TUB: variants seen among roughly 807,000 people sequenced by gnomAD.
The protein encoded by TUB is tubby protein homolog.
A neutral mutation model predicts 59.7 loss-of-function variants in TUB; 33 were observed. The observed-to-expected ratio is 0.55, with a 90% CI of 0.42 to 0.74. The LOEUF (loss-of-function observed/expected upper bound fraction) is 0.74. Among genes scored for constraint, TUB ranks in the 30% least tolerant of loss-of-function variants. The pLI is 0.00. For synonymous variants in TUB, 293 were observed against 256.4 expected, an observed-to-expected ratio of 1.14 and a Z score of -1.36; for missense variants, 659 against 672.0, an observed-to-expected ratio of 0.98 and a Z score of 0.21.
intron 1 of TUB, among the ~76,000 whole-genome samples, chr11:8,021,784 C>G (rs1210592081): frequency 1.3e-5 from 2 of 151,240 alleles, no homozygotes; most frequent in Admixed American, 6.6e-5. Context: ...GGCGTGGTGT[C>G]GGGCGCCTGT....
chr11:8,097,294 G>C lies in TUB; in HGVS notation c.754G>C (p.Glu252Gln). ...QPVDVEVQDL[E>Q]EFALRPAPQG... The stretch of plus-strand genomic sequence containing the variant: ...AGTGGACGTTGAGGTCCAGGATCTT[G>C]AGGAGTTTGCACTGAGGCCGGCCCC... The change falls in exon 7 of 12, where the codon GAG becomes CAG. Residue 252 changes from glutamate (E) to glutamine (Q), a missense_variant. Glu to Gln is a conservative substitution (Grantham distance 29, BLOSUM62 2). Around this residue, in one of 3 missense-constraint regions of TUB, gnomAD observed 112 missense variants for 156.9 expected, o/e 0.71. Coordinates refer to ENST00000299506, the MANE Select transcript of TUB (RefSeq NM_177972.3). 6.2e-7 allele frequency: 1 copy of C among 1,614,196 alleles called. No homozygotes were observed. The highest frequency in any genetic ancestry group is 8.5e-7 in the Non-Finnish European group (1 of 1,180,046).
At chr11:8,101,036 T>C (rs1442713816) in intron 11 of TUB, 39 bp downstream of exon 11, 2 of 1,611,852 alleles carry the variant, frequency 1.2e-6, no homozygotes, top group Non-Finnish European at 1.7e-6. Flanking sequence ...GTCCGTAGGA[T>C]ACCCAAGGCC....
chr11:8,085,412 T>C (rs1275121052), intron 1 of TUB, among the ~76,000 whole-genome samples: 1 of 152,224 alleles, frequency 6.6e-6, no homozygotes, highest in East Asian at 1.9e-4. Context: ...CCTGGGAGGC[T>C]GGAACTCCTG....
At chr11:8,039,624 A>G in intron 1 of TUB, 1 of 1,476,488 alleles carries the variant, frequency 6.8e-7, no homozygotes, top group East Asian at 2.6e-5. Flanking sequence ...GTGGAGAGTC[A>G]CCCCTTCTTT....
intron 1 of TUB, among the ~76,000 whole-genome samples, chr11:8,027,721 G>A (rs183168344): frequency 1.0e-3 from 157 of 152,170 alleles, no homozygotes; most frequent in African/African-American, 3.2e-3. Context: ...CTCCATGTTG[G>A]CCAGGCTGGT....
At chr11:8,031,000 T>A (rs1942563254) in intron 1 of TUB, among the ~76,000 whole-genome samples, 2 of 152,180 alleles carry the variant, frequency 1.3e-5, no homozygotes, top group Non-Finnish European at 1.5e-5. Context: ...GTCCTCTCCA[T>A]CACCAAGTGT....
intron 2 of TUB, among the ~76,000 whole-genome samples, chr11:8,055,393 C>T (rs1230568658): frequency 6.6e-6 from 1 of 152,208 alleles, no homozygotes; most frequent in Non-Finnish European, 1.5e-5. Flanking sequence ...TTCCCTGTGC[C>T]CATCAGGACC....
chr11:8,043,910 T>G (rs1942790839), intron 2 of TUB, among the ~76,000 whole-genome samples: 1 of 152,176 alleles, frequency 6.6e-6, no homozygotes, highest in South Asian at 2.1e-4. Context: ...TTTTCTTGCC[T>G]AATCATCTTG....
At chr11:8,082,736 A>G (rs1943593695) in intron 1 of TUB, among the ~76,000 whole-genome samples, 1 of 152,204 alleles carries the variant, frequency 6.6e-6, no homozygotes, top group Non-Finnish European at 1.5e-5. Flanking sequence ...AATGGAAACC[A>G]GCTGAAACCG....
At chr11:8,097,460 T>C (rs1448099700) in intron 7 of TUB, 35 bp downstream of exon 7, 7 of 1,613,338 alleles carry the variant, frequency 4.3e-6, no homozygotes, top group Non-Finnish European at 5.9e-6. Flanking sequence ...CATCTAGGCT[T>C]TACAGCCCTT....
chr11:8,097,520 A>G (rs1944052632), intron 7 of TUB, 95 bp downstream of exon 7: 2 of 1,520,920 alleles, frequency 1.3e-6, no homozygotes, highest in Non-Finnish European at 1.8e-6. Flanking sequence ...TCTACCACTG[A>G]CCTCTCAGTT....
chr11:8,085,060 G>A (rs768420704), intron 1 of TUB, among the ~76,000 whole-genome samples: 1 of 152,146 alleles, frequency 6.6e-6, no homozygotes, highest in Non-Finnish European at 1.5e-5. Context: ...GTTTTGTAGG[G>A]AGTAGTGGGA....
chr11:8,019,250 C>T (rs1942381154), exon 1 of TUB: 4 of 1,239,280 alleles, frequency 3.2e-6, no homozygotes, highest in Non-Finnish European at 4.0e-6. Flanking sequence ...GAGCCAGCCC[C>T]AAGCCCAGCG....
intron 2 of TUB, chr11:8,068,605 C>T (rs1484144690): frequency 6.6e-6 from 1 of 152,438 alleles, no homozygotes; most frequent in Admixed American, 6.5e-5. Flanking sequence ...GTGGCTTCCT[C>T]ACCCCGTCTA....
chr11:8,083,381 T>G (rs909201747), intron 1 of TUB, among the ~76,000 whole-genome samples: 4 of 152,056 alleles, frequency 2.6e-5, no homozygotes, highest in Admixed American at 2.6e-4. Flanking sequence ...CTAGAAAGCT[T>G]CTCCCAGGGA....
intron 9 of TUB, among the ~76,000 whole-genome samples, chr11:8,099,743 A>C (rs1437049972): frequency 6.6e-6 from 1 of 152,192 alleles, no homozygotes; most frequent in African/African-American, 2.4e-5. Flanking sequence ...TATGTGTGAG[A>C]ATTTCAGAAT....
intron 1 of TUB, among the ~76,000 whole-genome samples, chr11:8,020,252 T>A (rs983473972): frequency 1.3e-5 from 2 of 152,214 alleles, no homozygotes; most frequent in Non-Finnish European, 2.9e-5. Context: ...TTAAATTTCC[T>A]GACCCATGAC....
upstream of TUB, chr11:8,076,724 C>T (rs1397564720): frequency 6.6e-5 from 10 of 152,222 alleles, no homozygotes; most frequent in Non-Finnish European, 1.5e-4. Flanking sequence ...GTTACATTCA[C>T]CTCATAACCA....
chr11:8,031,645 T>C (rs1942572670), intron 1 of TUB, among the ~76,000 whole-genome samples: 1 of 152,216 alleles, frequency 6.6e-6, no homozygotes, highest in Non-Finnish European at 1.5e-5. Context: ...ACCTCCTCGA[T>C]ACCATCTTCC....
Sources: allele counts gnomAD v4.1 joint callset (sites outside exome capture counted in the v4.1 genomes callset), GRCh38; gene constraint gnomAD v4.1.1; regional missense constraint gnomAD v4.1.1; transcripts MANE v1.5; gene names NCBI Gene and HGNC (gene_info 2026-07-23, HGNC 2026-07-21).